LIMCH1: variants seen among roughly 807,000 people sequenced by gnomAD.
LIMCH1 encodes LIM and calponin homology domains 1, also known as LIM and calponin homology domains-containing protein 1.
In LIMCH1, 113 loss-of-function variants were observed where a neutral mutation model predicts 176.5. The ratio of observed to expected loss-of-function variants is 0.64; its 90% CI spans 0.55 to 0.75. The LOEUF (loss-of-function observed/expected upper bound fraction) is 0.75. Among genes scored for constraint, LIMCH1 ranks in the 30% least tolerant of loss-of-function variants. The pLI, the probability that LIMCH1 is intolerant of heterozygous loss-of-function variation, is 0.00. For missense variants in LIMCH1, 1,674 were observed against 1,814.9 expected (o/e 0.92, Z 1.41); for synonymous variants, 619 against 645.9 (o/e 0.96, Z 0.63).
chr4:41,486,286 G>A (rs1172950912), intron 1 of LIMCH1, among the ~76,000 whole-genome samples: 1 of 152,178 alleles, frequency 6.6e-6, no homozygotes, highest in Non-Finnish European at 1.5e-5. Flanking sequence ...TTTGGAGAGT[G>A]ATCATGAGCT....
intron 1 of LIMCH1, among the ~76,000 whole-genome samples, chr4:41,542,926 T>C (rs981171097): frequency 2.6e-5 from 4 of 152,246 alleles, no homozygotes; most frequent in African/African-American, 9.6e-5. Context: ...AAGCATTATC[T>C]GTTTCGATGC....
intron 1 of LIMCH1, among the ~76,000 whole-genome samples, chr4:41,465,684 T>C (rs1021992455): frequency 2.0e-5 from 3 of 152,260 alleles, no homozygotes; most frequent in African/African-American, 7.2e-5. Context: ...TGTTTTATAT[T>C]GATACTTCTC....
chr4:41,564,868 T>C (rs2082513846), intron 1 of LIMCH1, among the ~76,000 whole-genome samples: 1 of 152,194 alleles, frequency 6.6e-6, no homozygotes, highest in Non-Finnish European at 1.5e-5. Flanking sequence ...CTTATGGTTT[T>C]ATAAGGGGCT....
intron 1 of LIMCH1, among the ~76,000 whole-genome samples, chr4:41,362,468 T>G (rs1010886421): frequency 6.6e-6 from 1 of 152,258 alleles, no homozygotes; most frequent in African/African-American, 2.4e-5. Context: ...GTTGGATAAC[T>G]ATTTTTCAGG....
intron 1 of LIMCH1, among the ~76,000 whole-genome samples, chr4:41,441,759 A>C (rs2062724638): frequency 6.6e-6 from 1 of 152,170 alleles, no homozygotes; most frequent in Non-Finnish European, 1.5e-5. Context: ...TTAAAGATTG[A>C]AAGTCTTTTT....
At chr4:41,533,711 A>G (rs367988396), upstream of LIMCH1, among the ~76,000 whole-genome samples, 8 of 152,328 alleles carry the variant, frequency 5.3e-5, no homozygotes, top group Admixed American at 2.6e-4. Context: ...ATGAAGTATA[A>G]TATGCAAGAA....
At chr4:41,399,307 A>G (rs962169262) in intron 1 of LIMCH1, among the ~76,000 whole-genome samples, 1 of 152,182 alleles carries the variant, frequency 6.6e-6, no homozygotes, top group Non-Finnish European at 1.5e-5. Flanking sequence ...AAAAAAACCC[A>G]TAAGAATAGA....
chr4:41,441,564 C>T (rs777547109), intron 1 of LIMCH1, among the ~76,000 whole-genome samples: 10 of 152,062 alleles, frequency 6.6e-5, no homozygotes, highest in Non-Finnish European at 1.3e-4. Context: ...CCACCCTCAA[C>T]GTCTAAAATA....
chr4:41,474,114 A>G (rs190902393), intron 1 of LIMCH1, among the ~76,000 whole-genome samples: 6 of 152,210 alleles, frequency 3.9e-5, no homozygotes, highest in Non-Finnish European at 8.8e-5. Context: ...TGAAGGGGAG[A>G]TTGCAGTAAG....
chr4:41,596,617 C>T (rs28718080), intron 1 of LIMCH1, among the ~76,000 whole-genome samples: 13,213 of 152,158 alleles, frequency 0.087, 1,873 homozygotes, highest in African/African-American at 0.3. Context: ...TGTATCACCA[C>T]TTTTTTCAAT....
chr4:41,397,417 T>A (rs1468989569), intron 1 of LIMCH1, among the ~76,000 whole-genome samples: 1 of 152,216 alleles, frequency 6.6e-6, no homozygotes, highest in African/African-American at 2.4e-5. Flanking sequence ...TAAAGATGTA[T>A]TAATTCCCTT....
intron 4 of LIMCH1, chr4:41,609,626 T>C: frequency 2.2e-6 from 1 of 455,900 alleles, no homozygotes; most frequent in Non-Finnish European, 4.4e-6. Context: ...CTGGTTCTTG[T>C]TATGTCTGAG....
At chr4:41,624,836 A>G (rs980673920) in intron 7 of LIMCH1, among the ~76,000 whole-genome samples, 1 of 152,130 alleles carries the variant, frequency 6.6e-6, no homozygotes, top group Non-Finnish European at 1.5e-5. Flanking sequence ...TTGAGACAAG[A>G]GCTTTTCTTC....
At chr4:41,476,190 GT>G (rs1292317949) in intron 1 of LIMCH1, among the ~76,000 whole-genome samples, 1 of 152,116 alleles carries the variant, frequency 6.6e-6, no homozygotes, top group Non-Finnish European at 1.5e-5. Flanking sequence ...CAGTCTTTTG[GT>G]TAATGGTGTT....
chr4:41,647,777 C>T (rs1274755630), intron 17 of LIMCH1, among the ~76,000 whole-genome samples: 1 of 152,200 alleles, frequency 6.6e-6, no homozygotes, highest in Admixed American at 6.5e-5. Flanking sequence ...AGAACAAAAC[C>T]ACACTTTCTG....
At chr4:41,513,114 A>C (rs544178595) in intron 2 of LIMCH1, among the ~76,000 whole-genome samples, 3 of 152,362 alleles carry the variant, frequency 2.0e-5, no homozygotes, top group Admixed American at 2.0e-4. Flanking sequence ...TGTCTACTTC[A>C]AAAGAGATAT....
chr4:41,545,165 T>C (rs1302771429), intron 1 of LIMCH1, among the ~76,000 whole-genome samples: 1 of 152,226 alleles, frequency 6.6e-6, no homozygotes, highest in Admixed American at 6.5e-5. Context: ...TAAGAAAAAC[T>C]TAAGAGATAT....
rs1277403157 is a variant in LIMCH1, at chr4:41,646,164, G to A, written c.2295G>A (p.Gln765=). The part of the protein sequence containing the change: ...RWKSRRRSVS[Q]DLIKKEEERK... ...AGAGTCGTAGAAGAAGTGTTTCTCAGGACTTAATCAAGAAAGAGGAAGAAA... is the reference window on the plus strand; with the variant it reads ...AGAGTCGTAGAAGAAGTGTTTCTCAAGACTTAATCAAGAAAGAGGAAGAAA... The change falls in exon 16 of 32, where the codon CAG becomes CAA. Residue 765 remains glutamine (Q), a synonymous_variant. Coordinates refer to ENST00000503057, the MANE Select transcript of LIMCH1 (RefSeq NM_001330672.2). 6.2e-7 allele frequency: 1 copy of A among 1,613,830 alleles called. No homozygotes were observed. The highest frequency in any genetic ancestry group is 1.3e-5 in the African/African-American group (1 of 74,930).
chr4:41,365,458 A>G (rs1484377917), intron 1 of LIMCH1, among the ~76,000 whole-genome samples: 1 of 152,250 alleles, frequency 6.6e-6, no homozygotes. Flanking sequence ...GAGATAATTT[A>G]GCATTTAATG....
Sources: allele counts gnomAD v4.1 joint callset (sites outside exome capture counted in the v4.1 genomes callset), GRCh38; gene constraint gnomAD v4.1.1; transcripts MANE v1.5; gene names NCBI Gene and HGNC (gene_info 2026-07-23, HGNC 2026-07-21).